The following LITAF variants were observed in gnomAD, a reference collection of about 807,000 sequenced individuals.
LITAF encodes lipopolysaccharide induced TNF factor.
Under a neutral mutation model 14.5 loss-of-function variants are expected in LITAF, and 9 were observed. That is an observed-to-expected ratio of 0.62 (90% CI 0.37 to 1.08). The LOEUF is 1.08. Ranked by LOEUF, LITAF falls within the 50% of genes least tolerant of loss-of-function variation. The pLI is 0.01. For missense variants in LITAF, 206 were observed against 213.4 expected (o/e 0.97, Z 0.22); for synonymous variants, 98 against 88.2 (o/e 1.11, Z -0.62).
At chr16:11,573,634 T>A (rs1010299034) in intron 1 of LITAF, among the ~76,000 whole-genome samples, 1 of 151,874 alleles carries the variant, frequency 6.6e-6, no homozygotes, top group East Asian at 1.9e-4. Context: ...TATACTATCA[T>A]GTTTAATGAG....
Position 11,558,787 on chromosome 16 carries a change from G to A in LITAF, c.-5-2052C>T, listed in dbSNP as rs115619051. Among the ~76,000 whole-genome samples the A allele has an allele frequency of 2.6e-3, 395 of 152,290 alleles. 4 individuals carry two copies. The highest frequency in any genetic ancestry group is 8.9e-3 in the African/African-American group (370 of 41,556). ...AAAGAAAGTCAGTAAGTAAAGATAG[G>A]TTGGGGCTGCATTCTAGAAAACTTT... On this transcript the variant is annotated intron_variant, in intron 1 of 3. Coordinates refer to ENST00000622633, the MANE Select transcript of LITAF (RefSeq NM_001136472.2). The surrounding 1 kb of genome is among the most constrained non-coding windows in gnomAD (Gnocchi z 4.1).
chr16:11,551,414 T>A (rs1042291515), intron 3 of LITAF, among the ~76,000 whole-genome samples: 3 of 152,186 alleles, frequency 2.0e-5, no homozygotes, highest in Admixed American at 1.3e-4. Flanking sequence ...TAAAGTCACT[T>A]GCCCATGGCC....
At chr16:11,617,298 G>A (rs1005979552) in intron 3 of LITAF, among the ~76,000 whole-genome samples, 5 of 151,944 alleles carry the variant, frequency 3.3e-5, no homozygotes, top group East Asian at 1.9e-4. Flanking sequence ...GATACAGTCC[G>A]CCATCCCATG....
chr16:11,602,716 G>A (rs1263680840), upstream of LITAF, among the ~76,000 whole-genome samples: 3 of 149,824 alleles, frequency 2.0e-5, no homozygotes, highest in East Asian at 2.0e-4. Context: ...ACGAGTGCCC[G>A]TGTGTACCAG....
rs527488487 is a variant in LITAF, at chr16:11,568,992, C to A, written c.-5-12257G>T. On this transcript the variant is annotated intron_variant, in intron 1 of 3. Transcript: ENST00000622633. ...ACTGTGTTCAGCCTGACACCACTGTCAAAGGAGTCTCAGGGCCTTTCTCCT... is the reference window on the plus strand; with the variant it reads ...ACTGTGTTCAGCCTGACACCACTGTAAAAGGAGTCTCAGGGCCTTTCTCCT... 6.6e-5 allele frequency among the ~76,000 whole-genome samples: 10 copies of A among 152,192 alleles called. No individual in the cohort carries two copies. In the East Asian group the frequency reaches 1.7e-3, roughly 26 times the overall value.
intron 3 of LITAF, among the ~76,000 whole-genome samples, chr16:11,618,484 C>A (rs1403804336): frequency 4.6e-5 from 7 of 152,214 alleles, no homozygotes; most frequent in Admixed American, 3.9e-4. Context: ...TCTGTCGGAA[C>A]TGAATTGAAT....
chr16:11,575,836 C>T (rs77891567), intron 1 of LITAF, among the ~76,000 whole-genome samples: 1,729 of 152,154 alleles, frequency 0.011, 38 homozygotes, highest in African/African-American at 0.04. Context: ...TAAACATTCC[C>T]CCGAAAAAAG....
At chr16:11,598,036 G>C (rs1246788481) in intron 1 of LITAF, among the ~76,000 whole-genome samples, 1 of 152,200 alleles carries the variant, frequency 6.6e-6, no homozygotes, top group Non-Finnish European at 1.5e-5. Context: ...CACCCGAGTA[G>C]CTGGGACTAC....
intron 3 of LITAF, among the ~76,000 whole-genome samples, chr16:11,614,186 G>A (rs1364475410): frequency 6.6e-6 from 1 of 152,120 alleles, no homozygotes; most frequent in Non-Finnish European, 1.5e-5. Context: ...GAAACTGATT[G>A]TCACAGTTCT....
At chr16:11,601,287 C>T (rs1376976852), upstream of LITAF, among the ~76,000 whole-genome samples, 1 of 143,064 alleles carries the variant, frequency 7.0e-6, no homozygotes, top group Non-Finnish European at 1.5e-5. Context: ...AGAGGTCATT[C>T]CCCCACCCAA....
intron 1 of LITAF, among the ~76,000 whole-genome samples, chr16:11,574,010 G>GT (rs1315009898): frequency 1.2e-4 from 15 of 120,608 alleles, no homozygotes; most frequent in East Asian, 4.0e-4. Flanking sequence ...CGTTTTTTTG[G>GT]TTTTTTTTTT....
chr16:11,632,881 C>G lies in LITAF; in HGVS notation c.85+652G>C, dbSNP rs543619910. On this transcript the variant is annotated intron_variant, in intron 3 of 3. Transcript: ENST00000574848. This position sits in a 1 kb window ranked among gnomAD's most constrained non-coding sequence, Gnocchi z 4.8. Reference sequence around the variant, plus strand: ...CAGGAATTTCCACAGAGGCCCACCCCACTCTGAGCCTCCTAGTGAAGGAAA... The same window carrying G: ...CAGGAATTTCCACAGAGGCCCACCCGACTCTGAGCCTCCTAGTGAAGGAAA... 6.6e-6 allele frequency among the ~76,000 whole-genome samples: 1 copy of G among 152,314 alleles called. No individual in the cohort carries two copies. The highest frequency in any genetic ancestry group is 1.9e-4 in the East Asian group (1 of 5,184).
chr16:11,638,109 T>TAGATAG (rs1567271187), upstream of LITAF, among the ~76,000 whole-genome samples: 30 of 68,660 alleles, frequency 4.4e-4, 7 homozygotes, highest in African/African-American at 3.6e-3. Flanking sequence ...TATATATATA[T>TAGATAG]CTATCTATAT....
chr16:11,580,867 C>T (rs1248623523), intron 1 of LITAF, among the ~76,000 whole-genome samples: 6 of 152,002 alleles, frequency 3.9e-5, no homozygotes, highest in East Asian at 3.9e-4. Flanking sequence ...CAGGCTCAAG[C>T]GATCCTCTTG....
At chr16:11,638,073 T>G (rs1207787833), upstream of LITAF, among the ~76,000 whole-genome samples, 54 of 135,700 alleles carry the variant, frequency 4.0e-4, 4 homozygotes, top group African/African-American at 6.6e-4. Context: ...TATCTATATA[T>G]ATATCTATAT....
chr16:11,564,293 C>T (rs2064418424), intron 1 of LITAF, among the ~76,000 whole-genome samples: 1 of 152,044 alleles, frequency 6.6e-6, no homozygotes, highest in South Asian at 2.1e-4. Flanking sequence ...CATCCGTGCC[C>T]TTAACTGATA....
intron 1 of LITAF, among the ~76,000 whole-genome samples, chr16:11,564,327 C>T (rs1051672903): frequency 3.3e-5 from 5 of 152,074 alleles, no homozygotes; most frequent in Non-Finnish European, 5.9e-5. Context: ...CTGGAATCCT[C>T]GGGACGTGGA....
At chr16:11,560,680 C>T (rs778744481) in intron 1 of LITAF, among the ~76,000 whole-genome samples, 1 of 152,042 alleles carries the variant, frequency 6.6e-6, no homozygotes, top group Non-Finnish European at 1.5e-5. Context: ...CCGTGGGAGT[C>T]ACAGAAGGTT....
At chr16:11,638,058 ATATATATCTATATATATATC>A (rs1567271073), upstream of LITAF, among the ~76,000 whole-genome samples, 13 of 106,498 alleles carry the variant, frequency 1.2e-4, no homozygotes, top group South Asian at 2.5e-4. Flanking sequence ...ATATATCTAT[ATATATATCTATATATATATC>A]TATATCTATC....
Sources: allele counts gnomAD v4.1 joint callset (sites outside exome capture counted in the v4.1 genomes callset), GRCh38; gene constraint gnomAD v4.1.1; non-coding constraint Gnocchi (gnomAD v3.1); transcripts MANE v1.5; gene names NCBI Gene and HGNC (gene_info 2026-07-23, HGNC 2026-07-21).